ROBO2: variants seen among roughly 807,000 people sequenced by gnomAD.
ROBO2 encodes roundabout guidance receptor 2.
In ROBO2, 53 loss-of-function variants were observed where a neutral mutation model predicts 160.8. That is an observed-to-expected ratio of 0.33 (90% confidence interval 0.26 to 0.41). The LOEUF is 0.41. Ranked by LOEUF, ROBO2 falls within the 10% of genes least tolerant of loss-of-function variation. The pLI, the probability that ROBO2 is intolerant of heterozygous loss-of-function variation, is 1.00. For missense variants in ROBO2, 1,577 were observed against 1,722.4 expected, an observed-to-expected ratio of 0.92 and a Z score of 1.49; for synonymous variants, 664 against 611.7, an observed-to-expected ratio of 1.09 and a Z score of -1.26.
rs974872902 is a variant in ROBO2 at position 76,161,736 on chromosome 3, T to C, written c.109+224134T>C. On this transcript the variant is annotated intron_variant, in intron 2 of 26. Coordinates refer to the ROBO2 transcript ENST00000487694. ...TTTCCCTATGTTCACATGTTTCCCA[T>C]GGTGTGCTTGGTTCTTACTCTGTTG... is the stretch of plus-strand genomic sequence containing the variant. 2.0e-5 allele frequency among the ~76,000 whole-genome samples: 3 copies of C among 152,168 alleles called. 1 individual carries two copies. Among genetic ancestry groups the C allele is most frequent in the Non-Finnish European group, 4.4e-5 (3 of 68,016 alleles).
intron 2 of ROBO2, among the ~76,000 whole-genome samples, chr3:76,338,091 C>T (rs2074001256): frequency 6.6e-6 from 1 of 152,072 alleles, no homozygotes; most frequent in South Asian, 2.1e-4. Flanking sequence ...GAAAAAGTGC[C>T]TAATAGCTTC....
chr3:77,476,890 A>G (rs1439710110), intron 2 of ROBO2, among the ~76,000 whole-genome samples: 2 of 152,130 alleles, frequency 1.3e-5, no homozygotes, highest in Non-Finnish European at 2.9e-5. Context: ...TGCAAGGGTG[A>G]ACTATGAATC....
chr3:77,603,533 T>C (rs777638629), intron 20 of ROBO2, among the ~76,000 whole-genome samples: 2 of 152,166 alleles, frequency 1.3e-5, no homozygotes, highest in Non-Finnish European at 2.9e-5. Context: ...TACTGCACTA[T>C]ACAAGAAAGT....
At chr3:76,736,758 C>G (rs549223095) in intron 2 of ROBO2, among the ~76,000 whole-genome samples, 2 of 152,158 alleles carry the variant, frequency 1.3e-5, no homozygotes, top group Non-Finnish European at 2.9e-5. Flanking sequence ...CATTCTGAAC[C>G]TGAAGGACAT....
intron 2 of ROBO2, among the ~76,000 whole-genome samples, chr3:75,937,841 T>TTATATATATATATATATATATATATATA (rs1158457510): frequency 7.6e-5 from 8 of 105,502 alleles, no homozygotes; most frequent in African/African-American, 1.7e-4. Context: ...GGAATTGATT[T>TTATATATATATATATATATATATATATA]TATATATATA....
chr3:76,711,208 T>G (rs1281594085), intron 2 of ROBO2, among the ~76,000 whole-genome samples: 1 of 152,164 alleles, frequency 6.6e-6, no homozygotes, highest in Non-Finnish European at 1.5e-5. Flanking sequence ...CTAGGAAGTC[T>G]CAGGAAACTT....
At chr3:76,001,893 T>G (rs2065899392) in intron 2 of ROBO2, among the ~76,000 whole-genome samples, 1 of 152,292 alleles carries the variant, frequency 6.6e-6, no homozygotes, top group African/African-American at 2.4e-5. Context: ...TTTAGAAAGG[T>G]TTAAAATAAT....
intron 2 of ROBO2, among the ~76,000 whole-genome samples, chr3:77,278,947 A>G (rs1162057614): frequency 6.6e-6 from 1 of 152,124 alleles, no homozygotes; most frequent in East Asian, 1.9e-4. Flanking sequence ...GCATTAGTTA[A>G]CCGCTTACTA....
At chr3:76,050,668 C>T (rs770227283) in intron 2 of ROBO2, among the ~76,000 whole-genome samples, 8 of 152,130 alleles carry the variant, frequency 5.3e-5, no homozygotes, top group South Asian at 2.1e-4. Context: ...AGTTCTGCAA[C>T]GGCTGTGTCC....
Position 77,125,489 on chromosome 3 carries a change from T to A in ROBO2, c.388+27149T>A, listed in dbSNP as rs74339040. Reference sequence around the variant, plus strand: ...TGCTGAATTTGGGGGTCAAGGTCTCTATCATTTGTTTCACTGATAGGCACA... The same window carrying A: ...TGCTGAATTTGGGGGTCAAGGTCTCAATCATTTGTTTCACTGATAGGCACA... On this transcript the variant is annotated intron_variant, in intron 2 of 25. Coordinates refer to ENST00000461745, the Ensembl canonical transcript of ROBO2. Among the ~76,000 whole-genome samples, 759 of 152,248 alleles carry A rather than the reference T, an allele frequency of 5.0e-3. 4 individuals are homozygous for A. Among genetic ancestry groups the A allele is most frequent in the African/African-American group, 0.01 (435 of 41,524 alleles).
intron 2 of ROBO2, among the ~76,000 whole-genome samples, chr3:77,475,221 TA>T (rs2083859583): frequency 6.6e-6 from 1 of 152,174 alleles, no homozygotes; most frequent in East Asian, 1.9e-4. Flanking sequence ...ATTATATCAT[TA>T]TCTCACCCTA....
At chr3:76,422,929 G>A (rs2076053435) in intron 2 of ROBO2, among the ~76,000 whole-genome samples, 1 of 152,092 alleles carries the variant, frequency 6.6e-6, no homozygotes, top group African/African-American at 2.4e-5. Context: ...AAAATTATCT[G>A]TTTTACTAAA....
intron 1 of ROBO2, among the ~76,000 whole-genome samples, chr3:77,054,142 T>G (rs2149711627): frequency 6.6e-6 from 1 of 152,250 alleles, no homozygotes; most frequent in East Asian, 1.9e-4. Flanking sequence ...TAGAGAAGGA[T>G]TTTCCATTGG....
In ROBO2 at chr3:76,213,330, C is replaced by T. The variant is rs570014587; in HGVS notation, c.109+275728C>T. Among the ~76,000 whole-genome samples, 3 of 151,990 alleles carry T rather than the reference C, an allele frequency of 2.0e-5. No homozygotes were observed. In the South Asian group the frequency reaches 6.2e-4, roughly 32 times the overall value. ...TTAGAAGAAGTTATCTAATGTAATC[C>T]TAAACTAGTCTTTTAAAGAAGTGTT... On this transcript the variant is annotated intron_variant, in intron 2 of 26. Transcript: ENST00000487694.
At position 76,140,594 on chromosome 3, in the gene ROBO2, G is replaced by C. The variant is rs541618918; in HGVS notation, c.109+202992G>C. ...CAAACCTCCTCATTATATATATCCT[G>C]TCAGTAGTAATTACCTGTGCCTTTT... On this transcript the variant is annotated intron_variant, in intron 2 of 26. Coordinates refer to the ROBO2 transcript ENST00000487694. Among the ~76,000 whole-genome samples, 21 of 151,904 alleles carry C rather than the reference G, an allele frequency of 1.4e-4. 1 individual carries two copies. The highest frequency in any genetic ancestry group is 4.8e-4 in the African/African-American group (20 of 41,482).
At chr3:76,365,093 T>C (rs557155158) in intron 2 of ROBO2, among the ~76,000 whole-genome samples, 2 of 152,158 alleles carry the variant, frequency 1.3e-5, no homozygotes, top group South Asian at 4.1e-4. Flanking sequence ...TTCTAATTTT[T>C]TCAGAGTTGA....
At chr3:76,814,011 A>C (rs1323611678) in intron 2 of ROBO2, among the ~76,000 whole-genome samples, 1 of 152,192 alleles carries the variant, frequency 6.6e-6, no homozygotes, top group Admixed American at 6.6e-5. Context: ...AAACAAATAC[A>C]TATGCCTGAG....
chr3:77,564,059 G>GT (rs990057684), intron 11 of ROBO2, among the ~76,000 whole-genome samples: 4 of 151,806 alleles, frequency 2.6e-5, no homozygotes, highest in Middle Eastern at 3.4e-3. Context: ...GATAACCACT[G>GT]TTTTTTTTAA....
chr3:75,937,747 G>A lies in ROBO2; in HGVS notation c.109+145G>A, dbSNP rs1369271146. ...TGTTACACGGTATTGTAATGCCTCTGCACCAGTTAAATTGAAATAGAATTA... is the reference window on the plus strand; with the variant it reads ...TGTTACACGGTATTGTAATGCCTCTACACCAGTTAAATTGAAATAGAATTA... On this transcript the variant is annotated intron_variant, in intron 2 of 26. Coordinates refer to the ROBO2 transcript ENST00000487694. 131 of 391,126 alleles carry A rather than the reference G, an allele frequency of 3.3e-4. No homozygotes were observed. In the Middle Eastern group the frequency reaches 4.2e-3, roughly 13 times the overall value. 24.2% of individuals were successfully genotyped at this position (391,126 alleles called of 1,614,324 possible).
Sources: gnomAD v4.1 joint callset for allele counts (sites outside exome capture counted in the v4.1 genomes callset) on GRCh38, gnomAD v4.1.1 for gene constraint, MANE v1.5 for transcripts, NCBI Gene and HGNC (gene_info 2026-07-23, HGNC 2026-07-21) for gene names.